The following FAM114A2 variants were observed in gnomAD, a reference collection of about 807,000 sequenced individuals.
FAM114A2 encodes the protein family with sequence similarity 114 member A2, also known as protein FAM114A2.
A neutral mutation model predicts 58.4 loss-of-function variants in FAM114A2; 53 were observed. That is an observed-to-expected ratio of 0.91 (90% confidence interval 0.73 to 1.14). FAM114A2 has a LOEUF of 1.14. Ranked by LOEUF, FAM114A2 falls within the 50% of genes most tolerant of loss-of-function variation. FAM114A2 has a pLI of 0.00. For synonymous variants in FAM114A2, 228 were observed against 211.4 expected, an observed-to-expected ratio of 1.08 and a Z score of -0.68; for missense variants, 601 against 581.1, an observed-to-expected ratio of 1.03 and a Z score of -0.35.
chr5:154,036,898 A>G (rs1026986520), intron 1 of FAM114A2: 3 of 152,216 alleles, frequency 2.0e-5, no homozygotes, highest in Admixed American at 1.3e-4. Context: ...GTAAAATTAA[A>G]AGATCTAGCA....
intron 13 of FAM114A2, among the ~76,000 whole-genome samples, chr5:153,993,609 T>C (rs1769375814): frequency 6.6e-6 from 1 of 152,186 alleles, no homozygotes; most frequent in Admixed American, 6.5e-5. Flanking sequence ...AAGATGACAG[T>C]ATAGATATAT....
At chr5:154,001,353 C>T (rs1581768795) in intron 11 of FAM114A2, among the ~76,000 whole-genome samples, 1 of 152,172 alleles carries the variant, frequency 6.6e-6, no homozygotes, top group Admixed American at 6.5e-5. Context: ...TTTGAGTAGA[C>T]TTGAATTCAG....
intron 8 of FAM114A2, among the ~76,000 whole-genome samples, chr5:154,023,247 G>C (rs2113418911): frequency 6.6e-6 from 1 of 152,224 alleles, no homozygotes. Flanking sequence ...TAACAGGCCT[G>C]CACGTTGTGC....
intron 13 of FAM114A2, 28 bp from the exon 14 acceptor site, chr5:153,993,138 G>C (rs767891601): frequency 1.9e-6 from 3 of 1,585,774 alleles, no homozygotes; most frequent in Non-Finnish European, 2.6e-6. Context: ...ACAAGAAAAA[G>C]AAAATATTAG....
Position 154,033,829 on chromosome 5 carries a change from C to G in FAM114A2, c.365G>C (p.Gly122Ala). 1 of 1,608,952 alleles carries G rather than the reference C, an allele frequency of 6.2e-7. No homozygotes were observed. Among genetic ancestry groups the G allele is most frequent in the Non-Finnish European group, 8.5e-7 (1 of 1,175,566 alleles). Residue 122 changes from glycine to alanine, a missense_variant, in exon 4 of 14, where the codon GGT becomes GCT. Transcript: ENST00000351797. The stretch of plus-strand genomic sequence containing the variant: ...GACTTCAGTTGAAATTTCACTGGGA[C>G]CAGGGATTCCAAGGGAAGTCTCTGC... ...EKAETSLGIPGPSEISTEVKY... is the reference protein window; with the variant it reads ...EKAETSLGIPAPSEISTEVKY...
At chr5:154,026,367 C>A in intron 8 of FAM114A2, 32 bp downstream of exon 8, 1 of 1,496,340 alleles carries the variant, frequency 6.7e-7, no homozygotes, top group South Asian at 1.4e-5. Flanking sequence ...ACACTGCATC[C>A]TCTCCACTCA....
chr5:154,006,678 G>C (rs1258907024), intron 9 of FAM114A2, among the ~76,000 whole-genome samples: 5 of 151,490 alleles, frequency 3.3e-5, no homozygotes, highest in Non-Finnish European at 7.4e-5. Flanking sequence ...TCTTTGAAGA[G>C]ACAAATTGAG....
chr5:154,023,996 T>A (rs147576155), intron 8 of FAM114A2, among the ~76,000 whole-genome samples: 1 of 152,212 alleles, frequency 6.6e-6, no homozygotes, highest in East Asian at 1.9e-4. Flanking sequence ...TTAATAGACA[T>A]CTCAAATAAA....
Position 153,993,107 on chromosome 5 carries a change from A to C in FAM114A2, c.1387T>G (p.Ser463Ala). ...TCCTGGATGTAGGAGGCACTGTTTG[A>C]TGCCTGCCAGGATTGAAAAAACAAG... is the stretch of plus-strand genomic sequence containing the variant. Reference protein sequence around the residue: ...PLITAVFLEASNSASYIQDAF... With the variant: ...PLITAVFLEAANSASYIQDAF... Residue 463 changes from serine (S) to alanine (A), a missense_variant, in exon 14 of 14, where the codon TCA becomes GCA. Physicochemically the swap from Ser to Ala is moderately conservative, Grantham distance 99. Coordinates refer to ENST00000351797, the MANE Select transcript of FAM114A2 (RefSeq NM_018691.4). 6.2e-7 allele frequency: 1 copy of C among 1,605,208 alleles called. No individual in the cohort carries two copies. The highest frequency in any genetic ancestry group is 8.5e-7 in the Non-Finnish European group (1 of 1,175,930).
chr5:153,991,098 G>A lies in FAM114A2; in HGVS notation c.*1878C>T, dbSNP rs1343623390. ...ATTAAAATAAATAAATATATATGGG[G>A]GGGTGGGGAAGATGAGAAAAAAAGA... On this transcript the variant is annotated 3_prime_UTR_variant, in exon 14 of 14. Transcript: ENST00000351797. 4 of 151,606 alleles carry A rather than the reference G, an allele frequency of 2.6e-5. No homozygotes were observed. In the East Asian group the frequency reaches 5.8e-4, roughly 22 times the overall value. The allele number at this position is 151,606 out of a possible 1,614,324, so 9.4% of individuals were successfully genotyped here.
In FAM114A2 at chr5:154,027,191, T is replaced by C. The variant is rs755867961; in HGVS notation, c.774A>G (p.Gln258=). The C allele has an allele frequency of 1.9e-6, 3 of 1,609,256 alleles. No individual in the cohort carries two copies. The South Asian group carries it at 3.3e-5, about 18-fold the overall frequency. The stretch of plus-strand genomic sequence containing the variant: ...TTGGAATTACCTTTATTTCACTTTC[T>C]TGGGAAAGCATCTCCAGAGCTTCTA... ...SHLEALEMLS[Q]ESEIKVKSIL... The change falls in exon 7 of 14, where the codon CAA becomes CAG. Residue 258 remains glutamine (Q), a synonymous_variant. Transcript: ENST00000351797.
chr5:154,035,450 A>C (rs1361353542), intron 1 of FAM114A2, among the ~76,000 whole-genome samples: 1 of 152,202 alleles, frequency 6.6e-6, no homozygotes, highest in Non-Finnish European at 1.5e-5. Context: ...ATCATACAGC[A>C]TATTACCTAT....
At chr5:154,011,010 T>A (rs531251125) in intron 9 of FAM114A2, among the ~76,000 whole-genome samples, 1 of 152,254 alleles carries the variant, frequency 6.6e-6, no homozygotes, top group East Asian at 1.9e-4. Context: ...AAGCAAAGCA[T>A]CCCAAATGAA....
In FAM114A2 at chr5:153,997,812, T is replaced by C; in HGVS notation, c.1320A>G (p.Thr440=). The C allele has an allele frequency of 6.4e-7, 1 of 1,573,430 alleles. No individual in the cohort carries two copies. Among genetic ancestry groups the C allele is most frequent in the Non-Finnish European group, 8.7e-7 (1 of 1,143,138 alleles). ...AGGCATGGATTCTTACCCCAGCAGT[T>C]GTTAGGCAGGTAGTGAACTCTTTAG... is the stretch of plus-strand genomic sequence containing the variant. ...SLSKEFTTCL[T]TAGVKEMADV... The change falls in exon 12 of 14, where the codon ACA becomes ACG. Residue 440 remains threonine (T), a synonymous_variant. Transcript: ENST00000351797.
intron 9 of FAM114A2, among the ~76,000 whole-genome samples, chr5:154,004,938 C>A (rs1432688561): frequency 6.6e-6 from 1 of 152,148 alleles, no homozygotes; most frequent in African/African-American, 2.4e-5. Context: ...ATGACCTAGA[C>A]CCTACCTACT....
chr5:154,029,572 T>G lies in FAM114A2; in HGVS notation c.412A>C (p.Asn138His), dbSNP rs904783268. ...GAGGAGTTTTCATTCTCTTTGGCAT[T>G]TGTCTCTCCTACAAGAGGGAGGGGA... Reference protein sequence around the residue: ...TEVKYVAGETNAKENENSSPV... With the variant: ...TEVKYVAGETHAKENENSSPV... The change falls in exon 5 of 14, where the codon AAT becomes CAT. Residue 138 changes from asparagine (N) to histidine (H), a missense_variant. Asn to His is a moderately conservative substitution (Grantham distance 68). Coordinates refer to ENST00000351797, the MANE Select transcript of FAM114A2 (RefSeq NM_018691.4). 6.3e-7 allele frequency: 1 copy of G among 1,596,644 alleles called. No homozygotes were observed.
chr5:154,018,771 G>A (rs1258279812), intron 8 of FAM114A2, among the ~76,000 whole-genome samples: 3 of 152,124 alleles, frequency 2.0e-5, no homozygotes, highest in Non-Finnish European at 2.9e-5. Flanking sequence ...GGCAATAAAT[G>A]TGATATACCA....
At position 154,002,361 on chromosome 5, in the gene FAM114A2, C is replaced by T. The variant is rs761041894; in HGVS notation, c.1146G>A (p.Leu382=). ...EDIHAFAIRS[L]AELTACSIEL... is the part of the protein sequence containing the mutation. Reference sequence around the variant, plus strand: ...CAATTGAGCAGGCAGTCAGTTCAGCCAGGCTCCGGATTGCAAACGCATGGA... The same window carrying T: ...CAATTGAGCAGGCAGTCAGTTCAGCTAGGCTCCGGATTGCAAACGCATGGA... The change falls in exon 11 of 14, where the codon CTG becomes CTA. Residue 382 remains leucine, a synonymous_variant. Coordinates refer to ENST00000351797, the MANE Select transcript of FAM114A2 (RefSeq NM_018691.4). The T allele has an allele frequency of 3.7e-6, 6 of 1,613,818 alleles. No homozygotes were observed. The highest frequency in any genetic ancestry group is 5.1e-6 in the Non-Finnish European group (6 of 1,179,898).
intron 8 of FAM114A2, chr5:154,026,171 T>C (rs1470242998): frequency 3.6e-6 from 1 of 275,852 alleles, no homozygotes; most frequent in South Asian, 1.3e-4. Flanking sequence ...ACAAAGGGTT[T>C]GGTTGGAAGG....
Sources: allele counts gnomAD v4.1 joint callset (sites outside exome capture counted in the v4.1 genomes callset), GRCh38; gene constraint gnomAD v4.1.1; transcripts MANE v1.5; gene names NCBI Gene and HGNC (gene_info 2026-07-23, HGNC 2026-07-21).